ADAMTS20: variants seen among roughly 807,000 people sequenced by gnomAD.
ADAMTS20 encodes the protein ADAM metallopeptidase with thrombospondin type 1 motif 20.
ADAMTS20 carries 225 observed loss-of-function variants against 260.1 expected under a neutral mutation model. The observed-to-expected ratio is 0.87, with a 90% CI of 0.78 to 0.97. ADAMTS20 has a LOEUF of 0.97. Ranked by LOEUF, ADAMTS20 falls within the 50% of genes least tolerant of loss-of-function variation. ADAMTS20 has a pLI of 0.00. For missense variants in ADAMTS20, 2,400 were observed against 2,337.7 expected, an observed-to-expected ratio of 1.03 and a Z score of -0.55; for synonymous variants, 802 against 769.5, an observed-to-expected ratio of 1.04 and a Z score of -0.70.
rs1020651856 is a variant in ADAMTS20 at position 43,378,109 on chromosome 12, T to C, written c.4798-547A>G. On this transcript the variant is annotated intron_variant, in intron 31 of 38. Transcript: ENST00000389420. Reference sequence around the variant, plus strand: ...CAAAAGAGGAGTAACAAGGAATAGATTTACCTTCTAACTTTAAACAACTAA... The same window carrying C: ...CAAAAGAGGAGTAACAAGGAATAGACTTACCTTCTAACTTTAAACAACTAA... 5.3e-5 allele frequency among the ~76,000 whole-genome samples: 8 copies of C among 152,192 alleles called. No individual in the cohort carries two copies. In the South Asian group the frequency reaches 6.2e-4, roughly 12 times the overall value.
At chr12:43,465,449 T>C (rs1455747020) in intron 9 of ADAMTS20, among the ~76,000 whole-genome samples, 1 of 152,090 alleles carries the variant, frequency 6.6e-6, no homozygotes, top group Non-Finnish European at 1.5e-5. Flanking sequence ...ATGAGAAATA[T>C]ACATATTACT....
chr12:43,527,768 GA>G (rs1192732978), intron 3 of ADAMTS20, among the ~76,000 whole-genome samples: 1 of 151,972 alleles, frequency 6.6e-6, no homozygotes, highest in East Asian at 1.9e-4. Context: ...TTCCCCCTGA[GA>G]ACTGGAACAA....
In ADAMTS20 at chr12:43,456,526, T is replaced by C. The variant is rs1310002800; in HGVS notation, c.1615-2474A>G. Among the ~76,000 whole-genome samples the C allele has an allele frequency of 2.6e-5, 4 of 152,296 alleles. No homozygotes were observed. In the East Asian group the frequency reaches 5.8e-4, roughly 22 times the overall value. On this transcript the variant is annotated intron_variant, in intron 11 of 38. Transcript: ENST00000389420. ...TTCCTCCATGAATCTGCTCAAATTGTTAGAAATGCAAAATGCTTGTTCCTC... is the reference window on the plus strand; with the variant it reads ...TTCCTCCATGAATCTGCTCAAATTGCTAGAAATGCAAAATGCTTGTTCCTC...
chr12:43,493,446 G>C (rs1200051013), intron 4 of ADAMTS20, among the ~76,000 whole-genome samples, 193 bp from the exon 5 acceptor site: 1 of 152,154 alleles, frequency 6.6e-6, no homozygotes, highest in Non-Finnish European at 1.5e-5. Context: ...CTGCAGGATT[G>C]AGACTCAGGC....
At chr12:43,526,449 C>T (rs7299931) in intron 3 of ADAMTS20, among the ~76,000 whole-genome samples, 53,573 of 151,762 alleles carry the variant, frequency 0.35, 10,026 homozygotes, top group East Asian at 0.76. Flanking sequence ...CAGAGCAATA[C>T]TCCGTCTCAA....
Position 43,502,206 on chromosome 12 carries a change from C to G in ADAMTS20, c.813G>C (p.Val271=). The change falls in exon 4 of 39, where the codon GTG becomes GTC. Residue 271 remains valine, a synonymous_variant. Coordinates refer to ENST00000389420, the MANE Select transcript of ADAMTS20 (RefSeq NM_025003.5). The part of the protein sequence containing the change: ...IEIMVTADAK[V]VSAHGSNLQN... ...GCAAATTCGATCCATGAGCAGAAAC[C>G]ACTTTAGCATCAGCTGTAACCATAA... is the stretch of plus-strand genomic sequence containing the variant. The G allele has an allele frequency of 1.9e-6, 3 of 1,609,748 alleles. No homozygotes were observed. Among genetic ancestry groups the G allele is most frequent in the Non-Finnish European group, 2.5e-6 (3 of 1,178,422 alleles).
chr12:43,550,151 A>G (rs1319761067), intron 2 of ADAMTS20, among the ~76,000 whole-genome samples: 1 of 152,226 alleles, frequency 6.6e-6, no homozygotes, highest in Non-Finnish European at 1.5e-5. Context: ...GAAAAAAGGT[A>G]CATCTTTATT....
intron 37 of ADAMTS20, among the ~76,000 whole-genome samples, chr12:43,360,454 A>T (rs1258660445): frequency 1.3e-5 from 2 of 152,172 alleles, no homozygotes; most frequent in Non-Finnish European, 2.9e-5. Flanking sequence ...GTCTCAAAAA[A>T]ATAAATAAAA....
intron 3 of ADAMTS20, among the ~76,000 whole-genome samples, chr12:43,514,121 A>G (rs1565578422): frequency 6.9e-6 from 1 of 145,906 alleles, no homozygotes; most frequent in African/African-American, 2.5e-5. Flanking sequence ...GTGAGGGATC[A>G]TTTGTGTAGC....
In ADAMTS20 at chr12:43,428,196, A is replaced by G. The variant is rs1168109930; in HGVS notation, c.3945+45T>C. The G allele has an allele frequency of 5.1e-6, 8 of 1,579,754 alleles. No homozygotes were observed. In the East Asian group the frequency reaches 9.0e-5, roughly 18 times the overall value. On this transcript the variant is annotated intron_variant, in intron 26 of 38. Transcript: ENST00000389420. ...TACATACCTGTTAAAAGGATGTAATATAACAAAATTACAGAATTAATATAA... is the reference window on the plus strand; with the variant it reads ...TACATACCTGTTAAAAGGATGTAATGTAACAAAATTACAGAATTAATATAA...
At chr12:43,492,102 C>T (rs1038717662) in intron 6 of ADAMTS20, among the ~76,000 whole-genome samples, 6 of 152,064 alleles carry the variant, frequency 3.9e-5, no homozygotes, top group South Asian at 2.1e-4. Flanking sequence ...AAGAAGTGGC[C>T]GGGCGCGGTG....
chr12:43,487,063 C>A (rs560077656), intron 7 of ADAMTS20, among the ~76,000 whole-genome samples: 2 of 152,224 alleles, frequency 1.3e-5, no homozygotes, highest in East Asian at 3.9e-4. Flanking sequence ...TCCAGTAATC[C>A]CACTACTGGG....
intron 14 of ADAMTS20, among the ~76,000 whole-genome samples, chr12:43,451,370 G>A (rs1309729338): frequency 6.6e-6 from 1 of 151,988 alleles, no homozygotes; most frequent in Non-Finnish European, 1.5e-5. Flanking sequence ...CTACAACCCT[G>A]TTAAATGGAC....
At chr12:43,547,018 G>C (rs1471455544) in intron 2 of ADAMTS20, among the ~76,000 whole-genome samples, 1 of 152,186 alleles carries the variant, frequency 6.6e-6, no homozygotes, top group Admixed American at 6.5e-5. Flanking sequence ...TACTAGTTAT[G>C]GTTCAGAGAA....
At chr12:43,477,580 A>G (rs945841990) in intron 7 of ADAMTS20, among the ~76,000 whole-genome samples, 4 of 152,182 alleles carry the variant, frequency 2.6e-5, no homozygotes, top group African/African-American at 9.7e-5. Context: ...TCACATGACT[A>G]GTGAGGACTA....
chr12:43,425,283 A>T (rs1458448577), intron 28 of ADAMTS20, among the ~76,000 whole-genome samples: 1 of 152,160 alleles, frequency 6.6e-6, no homozygotes, highest in Non-Finnish European at 1.5e-5. Flanking sequence ...CAGGGAGAGC[A>T]TCAGAAAGAA....
chr12:43,386,901 G>A (rs1940491411), intron 29 of ADAMTS20, among the ~76,000 whole-genome samples: 1 of 152,144 alleles, frequency 6.6e-6, no homozygotes, highest in Admixed American at 6.5e-5. Flanking sequence ...CTTTTCTCAA[G>A]GTTCTTGGCT....
Position 43,453,908 on chromosome 12 carries a change from C to G in ADAMTS20, c.1759G>C (p.Glu587Gln). 6.3e-7 allele frequency: 1 copy of G among 1,596,130 alleles called. No homozygotes were observed. The highest frequency in any genetic ancestry group is 1.1e-5 in the South Asian group (1 of 88,642). Residue 587 changes from glutamate to glutamine, a missense_variant and splice_region_variant, in exon 12 of 39, where the codon GAG becomes CAG. By Grantham distance (29) the Glu-to-Gln change is conservative. Transcript: ENST00000389420. ...ESATRRCNRP[E>Q]PRNGGNYCVG... The stretch of plus-strand genomic sequence containing the variant: ...TATAGTGACATAAAAAAGACATACT[C>G]AGGACGATTACAGCGCCTGGTTGCA...
At chr12:43,420,478 C>T (rs1055061302) in intron 28 of ADAMTS20, among the ~76,000 whole-genome samples, 3 of 152,034 alleles carry the variant, frequency 2.0e-5, no homozygotes, top group African/African-American at 7.2e-5. Flanking sequence ...ACTTATGTGT[C>T]TTTTTCAAAT....
Sources: allele counts gnomAD v4.1 joint callset (sites outside exome capture counted in the v4.1 genomes callset), GRCh38; gene constraint gnomAD v4.1.1; transcripts MANE v1.5; gene names NCBI Gene and HGNC (gene_info 2026-07-23, HGNC 2026-07-21).